Variants in SLC35F1 observed in about 807,000 individuals in gnomAD.
The protein encoded by SLC35F1 is chromosome 6 open reading frame 169.
A neutral mutation model predicts 48.7 loss-of-function variants in SLC35F1; 14 were observed. The ratio of observed to expected loss-of-function variants is 0.29; its 90% CI spans 0.19 to 0.45. The LOEUF is 0.45. SLC35F1 is among the 20% of genes least tolerant of loss of function. The pLI is 1.00. For missense variants in SLC35F1, 404 were observed against 500.0 expected, an observed-to-expected ratio of 0.81 and a Z score of 1.83; for synonymous variants, 190 against 202.2, an observed-to-expected ratio of 0.94 and a Z score of 0.51.
intron 2 of SLC35F1, among the ~76,000 whole-genome samples, chr6:118,183,721 A>G (rs1554234329): frequency 6.6e-6 from 1 of 152,118 alleles, no homozygotes; most frequent in Non-Finnish European, 1.5e-5. Flanking sequence ...CTAGTTAGAG[A>G]TACCATCCTG....
rs1776406999 is a variant in SLC35F1 at position 118,314,307 on chromosome 6, C to G, written c.*55C>G. 1 of 1,501,200 alleles carries G rather than the reference C, an allele frequency of 6.7e-7. No individual in the cohort carries two copies. The highest frequency in any genetic ancestry group is 1.4e-5 in the African/African-American group (1 of 72,538). 93.0% of individuals were successfully genotyped at this position (1,501,200 alleles called of 1,614,324 possible). On this transcript the variant is annotated 3_prime_UTR_variant, in exon 8 of 8. Coordinates refer to ENST00000360388, the MANE Select transcript of SLC35F1 (RefSeq NM_001029858.4). ...ACTCATTGGCCATGTTTTTGCCCAT[C>G]ATCTCTGTATTGTACATAGAGAAAG...
At position 118,314,328 on chromosome 6, in the gene SLC35F1, G is replaced by A. The variant is rs1165765933; in HGVS notation, c.*76G>A. On this transcript the variant is annotated 3_prime_UTR_variant, in exon 8 of 8. Transcript: ENST00000360388. ...CCATCATCTCTGTATTGTACATAGA[G>A]AAAGGTATTTACTAGGTGCAGTTTA... The A allele has an allele frequency of 4.5e-6, 6 of 1,340,620 alleles. No individual in the cohort carries two copies. The highest frequency in any genetic ancestry group is 1.5e-5 in the African/African-American group (1 of 68,914). The allele number at this position is 1,340,620 out of a possible 1,614,324, so 83.0% of individuals were successfully genotyped here. A position where few individuals can be genotyped will look rare whatever the true frequency, so the allele number is the denominator to read the frequency against.
intron 1 of SLC35F1, among the ~76,000 whole-genome samples, chr6:117,950,942 A>C (rs1036446241): frequency 9.9e-5 from 15 of 152,218 alleles, no homozygotes; most frequent in African/African-American, 3.1e-4. Flanking sequence ...CATATTATTT[A>C]ACATATAGTC....
At chr6:118,182,971 C>T (rs1305454232) in intron 2 of SLC35F1, among the ~76,000 whole-genome samples, 1 of 152,144 alleles carries the variant, frequency 6.6e-6, no homozygotes, top group Admixed American at 6.5e-5. Context: ...TTCCTCTGTT[C>T]AAATGAATAT....
intron 1 of SLC35F1, among the ~76,000 whole-genome samples, chr6:118,086,857 C>T (rs1175362067): frequency 6.6e-6 from 1 of 152,172 alleles, no homozygotes; most frequent in African/African-American, 2.4e-5. Context: ...TCCTTTGGAA[C>T]CTCCTTCCTT....
intron 1 of SLC35F1, among the ~76,000 whole-genome samples, chr6:117,997,454 C>G (rs993242126): frequency 3.3e-5 from 5 of 151,946 alleles, no homozygotes; most frequent in East Asian, 3.9e-4. Flanking sequence ...AGAAGAGCAA[C>G]TCCAAGACAC....
intron 2 of SLC35F1, among the ~76,000 whole-genome samples, chr6:118,169,334 T>G (rs1407434190): frequency 6.6e-6 from 1 of 152,112 alleles, no homozygotes; most frequent in Non-Finnish European, 1.5e-5. Context: ...CTAGAGAAGG[T>G]CTCTACAACC....
At chr6:118,212,650 A>G (rs1775014045) in intron 2 of SLC35F1, among the ~76,000 whole-genome samples, 1 of 151,642 alleles carries the variant, frequency 6.6e-6, no homozygotes. Flanking sequence ...ACATCGCTCC[A>G]TTGCACTCCA....
intron 1 of SLC35F1, among the ~76,000 whole-genome samples, chr6:118,105,105 G>A (rs1488929259): frequency 6.6e-6 from 1 of 152,156 alleles, no homozygotes; most frequent in South Asian, 2.1e-4. Flanking sequence ...TCAGAGTGAG[G>A]TGGTAGATCT....
At chr6:118,164,325 G>A (rs558178582) in intron 2 of SLC35F1, among the ~76,000 whole-genome samples, 2 of 152,056 alleles carry the variant, frequency 1.3e-5, no homozygotes, top group South Asian at 4.2e-4. Flanking sequence ...TCAATTTTTT[G>A]TCTTTAACTG....
intron 3 of SLC35F1, among the ~76,000 whole-genome samples, chr6:118,236,250 A>G (rs529732538): frequency 1.2e-4 from 18 of 152,170 alleles, no homozygotes; most frequent in Admixed American, 2.6e-4. Context: ...ACATGAACAC[A>G]CACACACACA....
chr6:118,071,408 G>T (rs1013298440), intron 1 of SLC35F1, among the ~76,000 whole-genome samples: 3 of 151,328 alleles, frequency 2.0e-5, no homozygotes, highest in East Asian at 3.9e-4. Context: ...CATATTAGAG[G>T]TTCCACCAAG....
chr6:117,998,622 C>T (rs1378210167), intron 1 of SLC35F1, among the ~76,000 whole-genome samples: 1 of 152,120 alleles, frequency 6.6e-6, no homozygotes, highest in South Asian at 2.1e-4. Flanking sequence ...TTCAGAAACT[C>T]ACTCAAAACC....
At chr6:117,999,462 C>A in intron 1 of SLC35F1, 3 of 1,564,348 alleles carry the variant, frequency 1.9e-6, no homozygotes, top group Non-Finnish European at 2.6e-6. Context: ...TCTCTGCCAA[C>A]ATGAGGACAG....
chr6:118,048,661 G>A (rs1772336860), intron 1 of SLC35F1, among the ~76,000 whole-genome samples: 1 of 152,150 alleles, frequency 6.6e-6, no homozygotes, highest in Non-Finnish European at 1.5e-5. Context: ...TACAAGGGAT[G>A]TGAAGGACCT....
At chr6:117,914,240 T>A (rs1775800619) in intron 1 of SLC35F1, among the ~76,000 whole-genome samples, 1 of 151,616 alleles carries the variant, frequency 6.6e-6, no homozygotes, top group Admixed American at 6.6e-5. Flanking sequence ...GAATATTTAC[T>A]ATGTGACTCT....
chr6:117,924,997 A>T (rs937461601), intron 1 of SLC35F1, among the ~76,000 whole-genome samples: 1 of 152,174 alleles, frequency 6.6e-6, no homozygotes, highest in Non-Finnish European at 1.5e-5. Context: ...ATTCAAAAGG[A>T]ATATAGAGTA....
At chr6:118,037,512 T>C (rs1772151337) in intron 1 of SLC35F1, among the ~76,000 whole-genome samples, 1 of 152,106 alleles carries the variant, frequency 6.6e-6, no homozygotes, top group African/African-American at 2.4e-5. Flanking sequence ...AATTTGAATT[T>C]TGGGGGGGTT....
intron 2 of SLC35F1, among the ~76,000 whole-genome samples, chr6:118,156,209 ATGTAAATG>A (rs200836624): frequency 0.019 from 2,843 of 152,050 alleles, 43 homozygotes; most frequent in South Asian, 0.057. Flanking sequence ...GTTTTGAATG[ATGTAAATG>A]TGTTATCTAA....
Sources: allele counts gnomAD v4.1 joint callset (sites outside exome capture counted in the v4.1 genomes callset), GRCh38; gene constraint gnomAD v4.1.1; transcripts MANE v1.5; gene names NCBI Gene and HGNC (gene_info 2026-07-23, HGNC 2026-07-21).